The following NBPF20 variants were observed in gnomAD, a reference collection of about 807,000 sequenced individuals.
The protein encoded by NBPF20 is NBPF family member NBPF20.
A neutral mutation model predicts 68.1 loss-of-function variants in NBPF20; 90 were observed. The ratio of observed to expected loss-of-function variants is 1.32; its 90% confidence interval spans 1.11 to 1.58. The LOEUF (loss-of-function observed/expected upper bound fraction) is 1.58, where lower values mean the gene tolerates loss of function less well. Among genes scored for constraint, NBPF20 ranks in the 40% most tolerant of loss-of-function variants. The pLI is 0.00. For synonymous variants in NBPF20, 290 were observed against 228.1 expected (o/e 1.27, Z -2.45); for missense variants, 816 against 601.2 (o/e 1.36, Z -3.74).
chr1:145,425,557 C>G, the NBPF20 span, among the ~76,000 whole-genome samples: 1 of 152,220 alleles, frequency 6.6e-6, no homozygotes. Context: ...GCCGCCCAGC[C>G]CATAGCCTGC....
intron 5 of NBPF20, among the ~76,000 whole-genome samples, 187 bp downstream of exon 10, chr1:145,400,872 T>G (rs1662490829): frequency 1.3e-5 from 2 of 151,890 alleles, no homozygotes; most frequent in East Asian, 3.9e-4. Flanking sequence ...GGTGCAGACG[T>G]GACACTCGGC....
At chr1:145,406,537 T>C (rs1553667535), upstream of NBPF20, among the ~76,000 whole-genome samples, 1 of 151,980 alleles carries the variant, frequency 6.6e-6, no homozygotes, top group African/African-American at 2.4e-5. Flanking sequence ...AAAGTATTTG[T>C]ATTGCTTTAC....
At chr1:145,404,811 GA>G (rs1662690884) in intron 2 of NBPF20, among the ~76,000 whole-genome samples, 1 of 151,126 alleles carries the variant, frequency 6.6e-6, no homozygotes, top group Non-Finnish European at 1.5e-5. Flanking sequence ...GAGGATTCTT[GA>G]AAACATGATT....
intron 115 of NBPF20, among the ~76,000 whole-genome samples, chr1:145,309,541 G>A (rs1344392222): frequency 3.1e-5 from 2 of 65,392 alleles, no homozygotes; most frequent in East Asian, 3.1e-4. Flanking sequence ...GTGACACACT[G>A]ATGAGGGAGT....
chr1:145,403,030 A>T (rs1433172843), intron 3 of NBPF20, among the ~76,000 whole-genome samples, 186 bp downstream of exon 8: 4 of 152,110 alleles, frequency 2.6e-5, no homozygotes, highest in African/African-American at 9.7e-5. Context: ...CTGAGAAACA[A>T]CTGCAACCCA....
intron 43 of NBPF20, among the ~76,000 whole-genome samples, chr1:145,366,605 C>T (rs1314164058): frequency 1.1e-5 from 1 of 88,768 alleles, no homozygotes; most frequent in Non-Finnish European, 2.2e-5. Context: ...CACACACACA[C>T]ACAGAGAGAA....
the NBPF20 span, among the ~76,000 whole-genome samples, chr1:145,411,013 A>T: frequency 1.4e-5 from 2 of 140,700 alleles, no homozygotes; most frequent in Admixed American, 7.0e-5. Context: ...TATATATTCC[A>T]TTTTTTTTTC....
intron 7 of NBPF20, among the ~76,000 whole-genome samples, chr1:145,397,713 G>A (rs1571367591): frequency 6.6e-6 from 1 of 152,150 alleles, no homozygotes; most frequent in Non-Finnish European, 1.5e-5. Context: ...CATAACGACA[G>A]GATCAAATTC....
chr1:145,401,196 A>C, intron 4 of NBPF20, 65 bp from the exon 10 acceptor site: 3 of 1,383,746 alleles, frequency 2.2e-6, no homozygotes, highest in Non-Finnish European at 2.0e-6. Context: ...CAGTCAGCCC[A>C]ATGTGCAACA....
intron 2 of NBPF20, among the ~76,000 whole-genome samples, chr1:145,404,821 T>C (rs1471044121): frequency 1.3e-5 from 2 of 150,920 alleles, no homozygotes; most frequent in African/African-American, 5.0e-5. Context: ...GAAAACATGA[T>C]TGAGCCTCTT....
chr1:145,397,852 G>A (rs1229165911), intron 7 of NBPF20, among the ~76,000 whole-genome samples: 3 of 152,124 alleles, frequency 2.0e-5, no homozygotes, highest in Non-Finnish European at 4.4e-5. Context: ...CTCACATGCA[G>A]AGACACACAT....
At chr1:145,403,697 A>C (rs1282183819) in intron 2 of NBPF20, among the ~76,000 whole-genome samples, 2 of 152,064 alleles carry the variant, frequency 1.3e-5, no homozygotes, top group African/African-American at 4.8e-5. Context: ...TACAGTCGGG[A>C]AGGCCCCTAG....
At chr1:145,406,264 C>T (rs1342869868), upstream of NBPF20, among the ~76,000 whole-genome samples, 251 of 151,724 alleles carry the variant, frequency 1.7e-3, 1 homozygote, top group Non-Finnish European at 2.6e-3. Flanking sequence ...GGTATATATG[C>T]CACTAATTTG....
upstream of NBPF20, among the ~76,000 whole-genome samples, chr1:145,406,275 TTTGA>T (rs1423186310): frequency 6.6e-6 from 1 of 151,478 alleles, no homozygotes; most frequent in African/African-American, 2.4e-5. Flanking sequence ...CACTAATTTG[TTTGA>T]TTGTGTTTTT....
At chr1:145,292,645 G>C (rs1242084703) in intron 136 of NBPF20, among the ~76,000 whole-genome samples, 156 bp from the exon 142 acceptor site, 7 of 148,292 alleles carry the variant, frequency 4.7e-5, no homozygotes, top group Non-Finnish European at 8.8e-5. Flanking sequence ...GGCTGTTCAT[G>C]ATAGAACTTC....
chr1:145,419,956 T>C, the NBPF20 span, among the ~76,000 whole-genome samples: 2 of 151,974 alleles, frequency 1.3e-5, no homozygotes, highest in Non-Finnish European at 2.9e-5. Flanking sequence ...AAGTGGCCTC[T>C]CTTTTAACCC....
Position 145,402,360 on chromosome 1 carries a change from G to A in NBPF20, c.300C>T (p.His100=), listed in dbSNP as rs1360012931. Reference sequence around the variant, plus strand: ...ACTGGGTCAGCTCTCGTTCCTGAGCGTGAACCAGGACTTTATATTGCCTAA... The same window carrying A: ...ACTGGGTCAGCTCTCGTTCCTGAGCATGAACCAGGACTTTATATTGCCTAA... Residue 100 remains histidine, a synonymous_variant, in exon 4 of 138, where the codon CAC becomes CAT. Coordinates refer to ENST00000369373, the Ensembl canonical transcript of NBPF20. 647 of 1,603,460 alleles carry A rather than the reference G, an allele frequency of 4.0e-4. 1 individual carries two copies. Among genetic ancestry groups the A allele is most frequent in the Middle Eastern group, 2.5e-3 (11 of 4,432 alleles).
upstream of NBPF20, among the ~76,000 whole-genome samples, chr1:145,407,366 CGT>C (rs1491492455): frequency 1.4e-5 from 2 of 140,326 alleles, no homozygotes; most frequent in Non-Finnish European, 3.1e-5. Flanking sequence ...ACATGGCACA[CGT>C]ATATATATAT....
At chr1:145,424,566 A>G in the NBPF20 span, among the ~76,000 whole-genome samples, 4 of 152,210 alleles carry the variant, frequency 2.6e-5, no homozygotes. Flanking sequence ...TAACCCAAAG[A>G]AAAGGTATCA....
Sources: gnomAD v4.1 joint callset for allele counts (sites outside exome capture counted in the v4.1 genomes callset) on GRCh38, gnomAD v4.1.1 for gene constraint, MANE v1.5 for transcripts, NCBI Gene and HGNC (gene_info 2026-07-23, HGNC 2026-07-21) for gene names.